Variants in STX8 observed in about 807,000 individuals in gnomAD.
The protein encoded by STX8 is syntaxin 8.
A neutral mutation model predicts 37.5 loss-of-function variants in STX8; 23 were observed. That is an observed-to-expected ratio of 0.61 (90% CI 0.44 to 0.87). The LOEUF (loss-of-function observed/expected upper bound fraction) is 0.87. Ranked by LOEUF, STX8 falls within the 40% of genes least tolerant of loss-of-function variation. The probability of loss-of-function intolerance (pLI) is 0.00; values close to 1 mark genes in which losing one functional copy is unlikely to be tolerated. For missense variants in STX8, 313 were observed against 284.7 expected, an observed-to-expected ratio of 1.10 and a Z score of -0.71; for synonymous variants, 115 against 99.1, an observed-to-expected ratio of 1.16 and a Z score of -0.95.
At chr17:9,269,611 G>C (rs932280052) in intron 7 of STX8, among the ~76,000 whole-genome samples, 11 of 152,188 alleles carry the variant, frequency 7.2e-5, no homozygotes, top group Non-Finnish European at 1.3e-4. Context: ...CAACCCAAAA[G>C]GTCAGATTTG....
At chr17:9,511,290 G>A (rs1446764137) in intron 4 of STX8, among the ~76,000 whole-genome samples, 2 of 152,010 alleles carry the variant, frequency 1.3e-5, no homozygotes, top group Non-Finnish European at 2.9e-5. Context: ...ATCAAAAGCA[G>A]ACAAGAATAC....
At chr17:9,547,880 C>CT (rs1180127041) in intron 3 of STX8, among the ~76,000 whole-genome samples, 2 of 148,868 alleles carry the variant, frequency 1.3e-5, no homozygotes, top group African/African-American at 5.0e-5. Flanking sequence ...GCAACCTCCA[C>CT]TACCTGGGTT....
chr17:9,301,919 T>C (rs903451881), intron 7 of STX8, among the ~76,000 whole-genome samples: 2 of 152,380 alleles, frequency 1.3e-5, no homozygotes, highest in African/African-American at 4.8e-5. Context: ...TTGTTGGGTA[T>C]GGTTATTAGA....
chr17:9,406,160 C>A (rs1912795013), intron 6 of STX8, among the ~76,000 whole-genome samples: 1 of 152,124 alleles, frequency 6.6e-6, no homozygotes, highest in African/African-American at 2.4e-5. Context: ...TAGCTGCAGA[C>A]CTTAGTCTGC....
intron 7 of STX8, among the ~76,000 whole-genome samples, chr17:9,373,811 T>C (rs1052503071): frequency 6.6e-6 from 1 of 151,858 alleles, no homozygotes; most frequent in African/African-American, 2.4e-5. Context: ...TGGTGGCGCA[T>C]GCCTGTAATC....
intron 7 of STX8, among the ~76,000 whole-genome samples, chr17:9,345,409 C>CAAAGTGCTG (rs1910497783): frequency 1.3e-5 from 2 of 152,144 alleles, no homozygotes; most frequent in South Asian, 2.1e-4. Flanking sequence ...CTCGGCCTCC[C>CAAAGTGCTG]AAAGTGCTGG....
chr17:9,337,168 T>C (rs1350096390), intron 7 of STX8, among the ~76,000 whole-genome samples: 3 of 152,146 alleles, frequency 2.0e-5, no homozygotes, highest in Non-Finnish European at 4.4e-5. Context: ...TATACATCCA[T>C]TTAAAAAAGA....
intron 7 of STX8, among the ~76,000 whole-genome samples, chr17:9,297,486 A>T (rs777091961): frequency 1.3e-5 from 2 of 152,218 alleles, no homozygotes; most frequent in Non-Finnish European, 2.9e-5. Context: ...GAAAGAGAGA[A>T]AGACATCTTT....
chr17:9,308,449 G>C (rs1909076347), intron 7 of STX8, among the ~76,000 whole-genome samples: 1 of 152,188 alleles, frequency 6.6e-6, no homozygotes, highest in South Asian at 2.1e-4. Flanking sequence ...TTACAGCCAG[G>C]CGTGGTGGCT....
At chr17:9,458,526 A>G (rs774322754) in intron 6 of STX8, among the ~76,000 whole-genome samples, 6 of 152,238 alleles carry the variant, frequency 3.9e-5, no homozygotes, top group Non-Finnish European at 8.8e-5. Context: ...AACACATCAA[A>G]TAAGTTTTTA....
intron 6 of STX8, among the ~76,000 whole-genome samples, chr17:9,390,821 A>G (rs62067146): frequency 5.1e-5 from 7 of 137,220 alleles, no homozygotes; most frequent in Admixed American, 4.6e-4. Context: ...TGGGCGACAG[A>G]GCGAGACTCC....
Position 9,493,791 on chromosome 17 carries a change from C to T in STX8, c.449-1870G>A, listed in dbSNP as rs1227355283. On this transcript the variant is annotated intron_variant, in intron 5 of 7. Coordinates refer to ENST00000306357, the MANE Select transcript of STX8 (RefSeq NM_004853.3). ...CCTGTTAAAATTAATAATTTACATT[C>T]AACTTTCCCTGTCAAATTTCTCTCT... Among the ~76,000 whole-genome samples the T allele has an allele frequency of 3.9e-5, 6 of 152,150 alleles. No homozygotes were observed. In the East Asian group the frequency reaches 1.2e-3, roughly 29 times the overall value.
intron 6 of STX8, among the ~76,000 whole-genome samples, chr17:9,429,743 TA>T (rs1281602302): frequency 3.5e-5 from 1 of 28,388 alleles, no homozygotes; most frequent in Non-Finnish European, 7.4e-5. Context: ...TATTATATAT[TA>T]TATATATTAT....
chr17:9,263,708 G>A (rs577216403), intron 7 of STX8, among the ~76,000 whole-genome samples: 3 of 152,290 alleles, frequency 2.0e-5, no homozygotes, highest in African/African-American at 7.2e-5. Context: ...CTTTGTGCAC[G>A]TGTACACGAA....
At chr17:9,441,699 C>T (rs1368810733) in intron 6 of STX8, among the ~76,000 whole-genome samples, 6 of 107,004 alleles carry the variant, frequency 5.6e-5, no homozygotes, top group Admixed American at 3.7e-4. Context: ...TTTTTTGAGA[C>T]GGAGTCTCGC....
At chr17:9,355,500 ATTTT>A (rs35363770) in intron 7 of STX8, among the ~76,000 whole-genome samples, 1 of 124,440 alleles carries the variant, frequency 8.0e-6, no homozygotes. Flanking sequence ...ACACCTAGCA[ATTTT>A]TTTTTTTTTT....
At chr17:9,393,123 T>C (rs1243428243) in intron 6 of STX8, among the ~76,000 whole-genome samples, 2 of 151,908 alleles carry the variant, frequency 1.3e-5, no homozygotes, top group Non-Finnish European at 2.9e-5. Context: ...AAACAACACA[T>C]TGCTTTATAG....
chr17:9,527,431 G>A (rs1009945419), intron 4 of STX8, among the ~76,000 whole-genome samples: 7 of 151,984 alleles, frequency 4.6e-5, no homozygotes, highest in Admixed American at 1.3e-4. Flanking sequence ...GTGACAGAGC[G>A]AGACCCTGTC....
intron 3 of STX8, chr17:9,554,516 A>G (rs1289508263): frequency 6.6e-6 from 1 of 152,206 alleles, no homozygotes; most frequent in Non-Finnish European, 1.5e-5. Context: ...TGGGAAGAAG[A>G]AGGAGGTTAG....
Sources: gnomAD v4.1 joint callset for allele counts (sites outside exome capture counted in the v4.1 genomes callset) on GRCh38, gnomAD v4.1.1 for gene constraint, MANE v1.5 for transcripts, NCBI Gene and HGNC (gene_info 2026-07-23, HGNC 2026-07-21) for gene names.